The following GRM7 variants were observed in gnomAD, a reference collection of about 807,000 sequenced individuals.
The protein encoded by GRM7 is glutamate metabotropic receptor 7.
GRM7 carries 35 observed loss-of-function variants against 84.5 expected under a neutral mutation model. The observed-to-expected ratio is 0.41, with a 90% CI of 0.32 to 0.55. The LOEUF (loss-of-function observed/expected upper bound fraction) is 0.55. Ranked by LOEUF, GRM7 falls within the 20% of genes least tolerant of loss-of-function variation. The pLI is 0.19. For missense variants in GRM7, 1,003 were observed against 1,194.6 expected, an observed-to-expected ratio of 0.84 and a Z score of 2.36; for synonymous variants, 487 against 455.1, an observed-to-expected ratio of 1.07 and a Z score of -0.89.
At chr3:7,196,398 G>A (rs947059951) in intron 2 of GRM7, among the ~76,000 whole-genome samples, 2 of 152,020 alleles carry the variant, frequency 1.3e-5, no homozygotes, top group African/African-American at 4.8e-5. Context: ...CAGCCAACTT[G>A]ACACATACAG....
At chr3:7,348,444 C>A (rs1692988037) in intron 4 of GRM7, among the ~76,000 whole-genome samples, 1 of 152,096 alleles carries the variant, frequency 6.6e-6, no homozygotes, top group Non-Finnish European at 1.5e-5. Context: ...TCTCAAGTAC[C>A]AGTTAAATGC....
intron 2 of GRM7, among the ~76,000 whole-genome samples, chr3:7,288,511 G>A (rs1199364424): frequency 6.6e-6 from 1 of 152,056 alleles, no homozygotes; most frequent in Non-Finnish European, 1.5e-5. Context: ...TGTAGCATTG[G>A]ACAAATCTGT....
chr3:7,657,709 G>A (rs892827368), intron 8 of GRM7, among the ~76,000 whole-genome samples: 3 of 152,194 alleles, frequency 2.0e-5, no homozygotes, highest in East Asian at 1.9e-4. Context: ...GTTAAGTGTA[G>A]TGGTGGCTGG....
intron 8 of GRM7, among the ~76,000 whole-genome samples, chr3:7,585,614 ACAACAGATTT>A (rs1388652610): frequency 2.0e-5 from 3 of 152,208 alleles, no homozygotes; most frequent in Non-Finnish European, 1.5e-5. Flanking sequence ...GGAAGACTCA[ACAACAGATTT>A]TGAATCTTCC....
intron 9 of GRM7, among the ~76,000 whole-genome samples, chr3:7,734,032 A>G (rs897511039): frequency 7.2e-5 from 11 of 152,190 alleles, no homozygotes; most frequent in South Asian, 2.1e-4. Flanking sequence ...CTATAACAAT[A>G]AAGATTGTAT....
intron 8 of GRM7, among the ~76,000 whole-genome samples, chr3:7,664,423 G>A (rs1304991184): frequency 6.6e-6 from 1 of 152,208 alleles, no homozygotes; most frequent in Non-Finnish European, 1.5e-5. Context: ...AAAGGGGTCA[G>A]ACTTTTCTCA....
intron 2 of GRM7, among the ~76,000 whole-genome samples, chr3:7,256,557 A>G (rs1485471620): frequency 8.5e-5 from 13 of 152,134 alleles, no homozygotes; most frequent in Admixed American, 8.5e-4. Flanking sequence ...TGAAGGAACC[A>G]CTTCGAGGTA....
At chr3:6,992,107 G>T (rs1033451497) in intron 1 of GRM7, among the ~76,000 whole-genome samples, 6 of 152,220 alleles carry the variant, frequency 3.9e-5, no homozygotes, top group African/African-American at 7.2e-5. Context: ...AGGATGAGGT[G>T]TAGCCGTAGG....
At chr3:7,076,091 C>T (rs1244248803) in intron 1 of GRM7, among the ~76,000 whole-genome samples, 1 of 152,086 alleles carries the variant, frequency 6.6e-6, no homozygotes, top group South Asian at 2.1e-4. Flanking sequence ...ATGTGTGAGG[C>T]CCTCTGCTGG....
At chr3:7,384,029 A>G (rs998896667) in intron 4 of GRM7, among the ~76,000 whole-genome samples, 9 of 152,006 alleles carry the variant, frequency 5.9e-5, no homozygotes, top group Admixed American at 3.9e-4. Context: ...TAATACATGT[A>G]TTTATTTCTT....
intron 5 of GRM7, among the ~76,000 whole-genome samples, chr3:7,449,543 G>A (rs886462559): frequency 1.3e-5 from 2 of 152,080 alleles, no homozygotes; most frequent in African/African-American, 4.8e-5. Flanking sequence ...GCACAGAGGG[G>A]CTTGCTCTGT....
At chr3:6,898,094 A>G (rs1172719856) in intron 1 of GRM7, among the ~76,000 whole-genome samples, 1 of 152,168 alleles carries the variant, frequency 6.6e-6, no homozygotes, top group Non-Finnish European at 1.5e-5. Flanking sequence ...ACATCCATCA[A>G]GTTAGGCCAT....
intron 1 of GRM7, among the ~76,000 whole-genome samples, chr3:7,072,101 C>T (rs373056238): frequency 1.3e-5 from 2 of 152,188 alleles, no homozygotes; most frequent in African/African-American, 4.8e-5. Context: ...CTGGATCATT[C>T]CAGGTGACCG....
At chr3:7,269,963 CT>C (rs1299446789) in intron 2 of GRM7, among the ~76,000 whole-genome samples, 1 of 152,126 alleles carries the variant, frequency 6.6e-6, no homozygotes, top group Non-Finnish European at 1.5e-5. Flanking sequence ...CCTACACGTC[CT>C]TTAGATTAAT....
At chr3:7,364,510 A>AATT (rs1207544282) in intron 4 of GRM7, among the ~76,000 whole-genome samples, 1 of 151,574 alleles carries the variant, frequency 6.6e-6, no homozygotes, top group East Asian at 1.9e-4. Context: ...TTATTTATAT[A>AATT]ATTTGCTTTT....
At chr3:6,896,409 T>G (rs1696184174) in intron 1 of GRM7, among the ~76,000 whole-genome samples, 1 of 152,192 alleles carries the variant, frequency 6.6e-6, no homozygotes, top group South Asian at 2.1e-4. Context: ...TCAGGTGAAG[T>G]CTTAGGTCAT....
chr3:7,529,282 C>T (rs1053048829), intron 7 of GRM7, among the ~76,000 whole-genome samples: 1 of 152,056 alleles, frequency 6.6e-6, no homozygotes, highest in African/African-American at 2.4e-5. Context: ...TAATTACTGA[C>T]ACATGATAGG....
intron 8 of GRM7, among the ~76,000 whole-genome samples, chr3:7,675,356 C>G (rs918060869): frequency 1.3e-5 from 2 of 152,162 alleles, no homozygotes; most frequent in Non-Finnish European, 2.9e-5. Context: ...TTCAATTAAA[C>G]TGATTTTGAA....
At chr3:7,586,807 C>CA (rs1395043187) in intron 8 of GRM7, among the ~76,000 whole-genome samples, 1 of 151,962 alleles carries the variant, frequency 6.6e-6, no homozygotes, top group African/African-American at 2.4e-5. Flanking sequence ...GACTCTGTCT[C>CA]AAAAAAACCG....
Sources: allele counts gnomAD v4.1 joint callset (sites outside exome capture counted in the v4.1 genomes callset), GRCh38; gene constraint gnomAD v4.1.1; transcripts MANE v1.5; gene names NCBI Gene and HGNC (gene_info 2026-07-23, HGNC 2026-07-21).